The following LRFN5 variants were observed in gnomAD, a reference collection of about 807,000 sequenced individuals.
LRFN5 encodes the protein leucine rich repeat and fibronectin type III domain containing 5, also known as leucine-rich repeat and fibronectin type-III domain-containing protein 5.
A neutral mutation model predicts 45.6 loss-of-function variants in LRFN5; 24 were observed. The ratio of observed to expected loss-of-function variants is 0.53; its 90% CI spans 0.38 to 0.74. LRFN5 has a LOEUF of 0.74. Ranked by LOEUF, LRFN5 falls within the 30% of genes least tolerant of loss-of-function variation. The pLI is 0.00. For missense variants in LRFN5, 776 were observed against 861.5 expected (o/e 0.90, Z 1.24); for synonymous variants, 340 against 313.8 (o/e 1.08, Z -0.88).
At chr14:41,904,089 A>C in intron 5 of LRFN5, 69 bp from the exon 6 acceptor site, 13 of 1,251,276 alleles carry the variant, frequency 1.0e-5, no homozygotes, top group African/African-American at 1.5e-5. Flanking sequence ...CAATGATCTT[A>C]TTAGCTATGT....
intron 1 of LRFN5, among the ~76,000 whole-genome samples, chr14:41,675,366 C>G (rs1485586414): frequency 1.3e-5 from 2 of 152,242 alleles, no homozygotes; most frequent in African/African-American, 2.4e-5. Context: ...CTCGGGAGGC[C>G]GAGGCTGGCG....
intron 1 of LRFN5, among the ~76,000 whole-genome samples, chr14:41,647,153 A>G (rs1223623507): frequency 6.6e-6 from 1 of 152,158 alleles, no homozygotes; most frequent in Non-Finnish European, 1.5e-5. Flanking sequence ...AGCTCCTCTC[A>G]TCCTTTTCAT....
intron 2 of LRFN5, among the ~76,000 whole-genome samples, chr14:41,806,140 G>A (rs758849991): frequency 6.6e-6 from 1 of 152,048 alleles, no homozygotes; most frequent in Non-Finnish European, 1.5e-5. Context: ...TTTGACTGAG[G>A]GTCAGGATTA....
chr14:41,894,027 A>T, intron 4 of LRFN5: 1 of 984,166 alleles, frequency 1.0e-6, no homozygotes, highest in Non-Finnish European at 1.2e-6. Context: ...TCAATTGCCT[A>T]ATTCCTCAAT....
intron 1 of LRFN5, among the ~76,000 whole-genome samples, chr14:41,725,170 T>C (rs7146542): frequency 0.58 from 87,923 of 151,978 alleles, 26,429 homozygotes; most frequent in African/African-American, 0.73. Flanking sequence ...AACAAGGTGC[T>C]TAGAGTTAGG....
intron 1 of LRFN5, among the ~76,000 whole-genome samples, chr14:41,750,626 G>A (rs1885091828): frequency 6.6e-6 from 1 of 152,110 alleles, no homozygotes; most frequent in African/African-American, 2.4e-5. Context: ...TAATGCATGT[G>A]TATTAGTCCA....
At chr14:41,805,129 T>C (rs978789070) in intron 2 of LRFN5, among the ~76,000 whole-genome samples, 5 of 151,932 alleles carry the variant, frequency 3.3e-5, no homozygotes, top group African/African-American at 7.2e-5. Context: ...TCAATTTAAA[T>C]AAAAATTTGA....
intron 2 of LRFN5, among the ~76,000 whole-genome samples, chr14:41,885,238 T>C (rs1266372271): frequency 6.7e-6 from 1 of 148,544 alleles, no homozygotes; most frequent in African/African-American, 2.5e-5. Flanking sequence ...AGAGGAAGGA[T>C]CATTTGAGCT....
intron 1 of LRFN5, among the ~76,000 whole-genome samples, chr14:41,728,425 G>A (rs1463209130): frequency 6.6e-6 from 1 of 152,070 alleles, no homozygotes; most frequent in Non-Finnish European, 1.5e-5. Context: ...CAAGGAAAAA[G>A]AAAACACACA....
At chr14:41,787,671 A>T (rs1886774456) in intron 2 of LRFN5, among the ~76,000 whole-genome samples, 1 of 151,726 alleles carries the variant, frequency 6.6e-6, no homozygotes, top group South Asian at 2.1e-4. Context: ...CTTGTTGTCT[A>T]GTTTATATTT....
chr14:41,873,252 T>A (rs908994967), intron 2 of LRFN5, among the ~76,000 whole-genome samples: 1 of 152,120 alleles, frequency 6.6e-6, no homozygotes, highest in Admixed American at 6.6e-5. Flanking sequence ...AAACACAAAC[T>A]CAAATCACAG....
chr14:41,770,523 C>T (rs962406569), intron 2 of LRFN5, among the ~76,000 whole-genome samples: 1 of 152,048 alleles, frequency 6.6e-6, no homozygotes, highest in Non-Finnish European at 1.5e-5. Context: ...GAGAAATTGG[C>T]AAAAAGCAAG....
At chr14:41,801,031 T>C (rs1272754514) in intron 2 of LRFN5, among the ~76,000 whole-genome samples, 4 of 152,074 alleles carry the variant, frequency 2.6e-5, no homozygotes, top group Admixed American at 6.6e-5. Flanking sequence ...TTATATATAA[T>C]GACAATATCA....
chr14:41,650,267 A>ACACACACACACACACACACAC (rs1555351106), intron 1 of LRFN5, among the ~76,000 whole-genome samples: 1 of 121,810 alleles, frequency 8.2e-6, no homozygotes, highest in Non-Finnish European at 1.7e-5. Context: ...ACACACACAC[A>ACACACACACACACACACACAC]AAAAAAAAAA....
chr14:41,872,271 C>T (rs1256608658), intron 2 of LRFN5, among the ~76,000 whole-genome samples: 1 of 152,066 alleles, frequency 6.6e-6, no homozygotes, highest in Non-Finnish European at 1.5e-5. Flanking sequence ...TTGAAAGAAC[C>T]CAAGTTACTT....
intron 2 of LRFN5, among the ~76,000 whole-genome samples, chr14:41,807,726 G>GTA (rs1287726110): frequency 6.6e-6 from 1 of 152,036 alleles, no homozygotes; most frequent in South Asian, 2.1e-4. Flanking sequence ...TGAAAAGAAA[G>GTA]TATAGGTAGC....
chr14:41,849,506 G>A (rs1273636731), intron 2 of LRFN5, among the ~76,000 whole-genome samples: 1 of 151,234 alleles, frequency 6.6e-6, no homozygotes, highest in African/African-American at 2.4e-5. Flanking sequence ...CAATTACTGG[G>A]ACACCTCCTT....
intron 1 of LRFN5, among the ~76,000 whole-genome samples, chr14:41,706,647 T>C (rs61207472): frequency 0.011 from 1,696 of 152,298 alleles, 10 homozygotes; most frequent in Middle Eastern, 0.037. Context: ...GTCTATGTGA[T>C]GGATGTTATC....
chr14:41,874,409 A>G (rs1426713806), intron 2 of LRFN5, among the ~76,000 whole-genome samples: 1 of 152,204 alleles, frequency 6.6e-6, no homozygotes, highest in African/African-American at 2.4e-5. Flanking sequence ...TGAGGCAAAC[A>G]TCTTCAGGTT....
Sources: gnomAD v4.1 joint callset for allele counts (sites outside exome capture counted in the v4.1 genomes callset) on GRCh38, gnomAD v4.1.1 for gene constraint, MANE v1.5 for transcripts, NCBI Gene and HGNC (gene_info 2026-07-23, HGNC 2026-07-21) for gene names.